The following KCNMA1 variants were observed in gnomAD, a reference collection of about 807,000 sequenced individuals.
KCNMA1 encodes the protein Calcium-activated potassium channel subunit alpha-1.
KCNMA1 carries 29 observed loss-of-function variants against 140.0 expected under a neutral mutation model. That is an observed-to-expected ratio of 0.21 (90% CI 0.15 to 0.28). The LOEUF (loss-of-function observed/expected upper bound fraction) is 0.28. Ranked by LOEUF, KCNMA1 falls within the 10% of genes least tolerant of loss-of-function variation. KCNMA1 has a pLI of 1.00. For synonymous variants in KCNMA1, 612 were observed against 611.9 expected, an observed-to-expected ratio of 1.00 and a Z score of 0.00; for missense variants, 880 against 1,602.2, an observed-to-expected ratio of 0.55 and a Z score of 7.70.
chr10:76,970,769 A>G (rs576146463), intron 19 of KCNMA1: 27 of 153,006 alleles, frequency 1.8e-4, no homozygotes, highest in African/African-American at 5.8e-4. Flanking sequence ...AGGTTGGAGG[A>G]GAGCCCCGGA....
At position 77,464,747 on chromosome 10, in the gene KCNMA1, T is replaced by C. The variant is rs2097950721; in HGVS notation, c.379-60724A>G. ...TAAGTACCTCAAGGTGCCCACGTCCTTGACAGCTGACCCAGACTGGTGTGA... is the reference window on the plus strand; with the variant it reads ...TAAGTACCTCAAGGTGCCCACGTCCCTGACAGCTGACCCAGACTGGTGTGA... On this transcript the variant is annotated intron_variant, in intron 1 of 27. Coordinates refer to ENST00000286628, the MANE Select transcript of KCNMA1 (RefSeq NM_001161352.2). Among the ~76,000 whole-genome samples, 2 of 152,168 alleles carry C rather than the reference T, an allele frequency of 1.3e-5. 1 individual carries two copies. Among genetic ancestry groups the C allele is most frequent in the South Asian group, 4.1e-4 (2 of 4,824 alleles).
chr10:77,286,749 C>T (rs887315903), intron 2 of KCNMA1, among the ~76,000 whole-genome samples: 10 of 57,970 alleles, frequency 1.7e-4, no homozygotes, highest in Admixed American at 4.8e-4. Flanking sequence ...TGACTAGGGA[C>T]GGTGTGTGTG....
intron 2 of KCNMA1, among the ~76,000 whole-genome samples, chr10:77,389,254 T>C (rs566302957): frequency 2.5e-4 from 38 of 152,316 alleles, no homozygotes; most frequent in African/African-American, 8.7e-4. Flanking sequence ...GCCACCCCCC[T>C]GAGTCTGCTA....
chr10:77,471,143 TAAC>T (rs1377723614), intron 1 of KCNMA1, among the ~76,000 whole-genome samples: 5 of 50,188 alleles, frequency 1.0e-4, no homozygotes, highest in African/African-American at 3.9e-4. Context: ...ACCACACACA[TAAC>T]AACTCACACT....
intron 14 of KCNMA1, among the ~76,000 whole-genome samples, chr10:77,054,097 T>C (rs990886647): frequency 2.6e-5 from 4 of 152,170 alleles, no homozygotes; most frequent in African/African-American, 7.2e-5. Context: ...TGGGTACTTA[T>C]AGCAGGGAAA....
intron 23 of KCNMA1, among the ~76,000 whole-genome samples, chr10:76,923,688 C>T (rs1161088285): frequency 6.6e-6 from 1 of 152,108 alleles, no homozygotes; most frequent in African/African-American, 2.4e-5. Flanking sequence ...ATTCATCTTA[C>T]AATTTAAAGA....
intron 19 of KCNMA1, among the ~76,000 whole-genome samples, chr10:76,983,826 TA>T: frequency 6.6e-6 from 1 of 152,182 alleles, no homozygotes; most frequent in Middle Eastern, 3.4e-3. Context: ...GTAACCTCAA[TA>T]AATTCATTTT....
chr10:77,308,283 A>G (rs1834838612), intron 2 of KCNMA1, among the ~76,000 whole-genome samples: 1 of 152,136 alleles, frequency 6.6e-6, no homozygotes, highest in African/African-American at 2.4e-5. Flanking sequence ...TGAGCAATTG[A>G]TCTGAAAATA....
chr10:77,172,933 C>T (rs1371688781), intron 5 of KCNMA1, among the ~76,000 whole-genome samples: 1 of 152,086 alleles, frequency 6.6e-6, no homozygotes, highest in Non-Finnish European at 1.5e-5. Context: ...GACAAACAGC[C>T]TCCCAAGGGC....
At chr10:77,067,032 G>C (rs2095979432) in intron 14 of KCNMA1, among the ~76,000 whole-genome samples, 1 of 152,224 alleles carries the variant, frequency 6.6e-6, no homozygotes, top group Middle Eastern at 3.2e-3. Flanking sequence ...ATTGCTTGCT[G>C]TGATGATTAA....
intron 2 of KCNMA1, among the ~76,000 whole-genome samples, chr10:77,259,804 T>C (rs781423811): frequency 1.6e-4 from 25 of 152,224 alleles, no homozygotes; most frequent in Non-Finnish European, 3.2e-4. Flanking sequence ...TTACATGTCT[T>C]TGTGCAATCA....
At chr10:77,634,195 C>T (rs2093499800) in intron 1 of KCNMA1, 7 of 985,322 alleles carry the variant, frequency 7.1e-6, no homozygotes, top group East Asian at 1.1e-4. Flanking sequence ...AACTTCACAA[C>T]GTCACACCCA....
intron 3 of KCNMA1, chr10:77,250,584 T>A (rs1013759766): frequency 6.3e-6 from 1 of 159,740 alleles, no homozygotes; most frequent in African/African-American, 2.4e-5. Flanking sequence ...GGAGTCTGCA[T>A]GAGTGTCCAC....
chr10:77,414,774 G>A (rs2096702274), intron 1 of KCNMA1, among the ~76,000 whole-genome samples: 1 of 152,192 alleles, frequency 6.6e-6, no homozygotes, highest in Admixed American at 6.5e-5. Context: ...ACAGGCGTGA[G>A]CCACCACGCC....
intron 2 of KCNMA1, among the ~76,000 whole-genome samples, chr10:77,366,253 C>T (rs763118679): frequency 6.6e-6 from 1 of 152,078 alleles, no homozygotes; most frequent in Non-Finnish European, 1.5e-5. Context: ...ACTGCCACCT[C>T]CGCCTCCCAG....
chr10:77,095,666 T>C (rs1182539661), intron 9 of KCNMA1, among the ~76,000 whole-genome samples: 1 of 152,210 alleles, frequency 6.6e-6, no homozygotes, highest in Admixed American at 6.5e-5. Flanking sequence ...TAAATATACA[T>C]GGGTGTGCTT....
At chr10:77,079,763 A>C (rs2096516282) in intron 12 of KCNMA1, 2 of 597,772 alleles carry the variant, frequency 3.3e-6, no homozygotes, top group African/African-American at 1.8e-5. Context: ...CAAGCCCAGC[A>C]GTGTGCCCTG....
chr10:77,530,683 C>T (rs1447517021), intron 1 of KCNMA1, among the ~76,000 whole-genome samples: 2 of 152,158 alleles, frequency 1.3e-5, no homozygotes, highest in Non-Finnish European at 2.9e-5. Flanking sequence ...ATTTATTCTG[C>T]TCCCACCACA....
At chr10:77,018,977 G>A (rs1235148869) in intron 17 of KCNMA1, 36 bp downstream of exon 17, 3 of 1,228,760 alleles carry the variant, frequency 2.4e-6, no homozygotes, top group East Asian at 4.7e-5. Flanking sequence ...TCTACAGCCG[G>A]GCCAGAAAGA....
Sources: allele counts gnomAD v4.1 joint callset (sites outside exome capture counted in the v4.1 genomes callset), GRCh38; gene constraint gnomAD v4.1.1; transcripts MANE v1.5; gene names NCBI Gene and HGNC (gene_info 2026-07-23, HGNC 2026-07-21).